ALMS1: variants seen among roughly 807,000 people sequenced by gnomAD.
The protein encoded by ALMS1 is ALMS1 centrosome and basal body associated protein, also known as centrosome-associated protein ALMS1.
A neutral mutation model predicts 352.2 loss-of-function variants in ALMS1; 271 were observed. The ratio of observed to expected loss-of-function variants is 0.77; its 90% CI spans 0.70 to 0.85. The LOEUF (loss-of-function observed/expected upper bound fraction) is 0.85. Ranked by LOEUF, ALMS1 falls within the 40% of genes least tolerant of loss-of-function variation. ALMS1 has a pLI of 0.00. For synonymous variants in ALMS1, 1,865 were observed against 1,761.2 expected (o/e 1.06, Z -1.48); for missense variants, 5,445 against 4,870.7 (o/e 1.12, Z -3.51).
intron 10 of ALMS1, among the ~76,000 whole-genome samples, chr2:73,494,140 C>T (rs1018625897): frequency 2.0e-5 from 3 of 152,288 alleles, no homozygotes; most frequent in Admixed American, 6.5e-5. Flanking sequence ...CTTAGTGAGG[C>T]AGTGAGAGGG....
chr2:73,546,346 T>G (rs1009224103), intron 12 of ALMS1, among the ~76,000 whole-genome samples: 6 of 152,196 alleles, frequency 3.9e-5, no homozygotes, highest in African/African-American at 1.2e-4. Context: ...ATGATCAGGT[T>G]GTTTTGTTTG....
chr2:73,496,278 T>C (rs1253078046), intron 10 of ALMS1, among the ~76,000 whole-genome samples: 1 of 152,220 alleles, frequency 6.6e-6, no homozygotes, highest in Non-Finnish European at 1.5e-5. Context: ...TGGCAGTCCC[T>C]GGTCTGTATT....
chr2:73,415,172 T>G (rs1057384996), intron 2 of ALMS1, among the ~76,000 whole-genome samples: 3 of 152,172 alleles, frequency 2.0e-5, no homozygotes, highest in African/African-American at 7.2e-5. Flanking sequence ...CAAAAATATT[T>G]AGAGATTTGT....
intron 19 of ALMS1, 45 bp from the exon 20 acceptor site, chr2:73,602,140 T>G (rs1675706790): frequency 6.4e-7 from 1 of 1,570,266 alleles, no homozygotes; most frequent in African/African-American, 1.4e-5. Context: ...GTAGATTGCA[T>G]CATTAATCTG....
Position 73,601,350 on chromosome 2 carries a change from C to G in ALMS1, c.12028C>G (p.His4010Asp). 6.2e-7 allele frequency: 1 copy of G among 1,614,182 alleles called. No individual in the cohort carries two copies. The highest frequency in any genetic ancestry group is 8.5e-7 in the Non-Finnish European group (1 of 1,179,996). ...GCGGGAGCAGAACTGTCAGGGGCAG[C>G]ACCTGGACGGTCGGGGCTACCTGGC... ...PLREQNCQGQ[H>D]LDGRGYLAGP... Residue 4010 changes from histidine to aspartate, a missense_variant, in exon 19 of 23, where the codon CAC (histidine) becomes GAC (aspartate). By Grantham distance (81) the His-to-Asp change is moderately conservative. Transcript: ENST00000613296.
intron 16 of ALMS1, among the ~76,000 whole-genome samples, chr2:73,584,160 TAAG>T (rs1675259442): frequency 6.6e-6 from 1 of 152,170 alleles, no homozygotes; most frequent in Non-Finnish European, 1.5e-5. Context: ...TATGAAAAAT[TAAG>T]AAACTGATTT....
intron 2 of ALMS1, among the ~76,000 whole-genome samples, chr2:73,414,830 T>G (rs1419755597): frequency 6.6e-6 from 1 of 152,122 alleles, no homozygotes; most frequent in Non-Finnish European, 1.5e-5. Flanking sequence ...ATGACTCAAA[T>G]GTGGTTTTCA....
At chr2:73,508,303 C>T (rs961456386) in intron 10 of ALMS1, among the ~76,000 whole-genome samples, 9 of 150,206 alleles carry the variant, frequency 6.0e-5, no homozygotes, top group Admixed American at 2.7e-4. Context: ...CCTGGGTTCA[C>T]GCCATTCTCC....
At chr2:73,481,870 T>G (rs1467938652) in intron 9 of ALMS1, among the ~76,000 whole-genome samples, 1 of 151,210 alleles carries the variant, frequency 6.6e-6, no homozygotes, top group African/African-American at 2.5e-5. Context: ...ATGATTTGGC[T>G]CTCTGTTTGT....
At chr2:73,520,886 T>C (rs1406595249) in intron 11 of ALMS1, among the ~76,000 whole-genome samples, 2 of 152,230 alleles carry the variant, frequency 1.3e-5, no homozygotes, top group Non-Finnish European at 2.9e-5. Flanking sequence ...TAAGTTTCCA[T>C]TCTTCCCCAA....
chr2:73,415,467 T>A (rs1318835613), intron 2 of ALMS1, among the ~76,000 whole-genome samples: 4 of 152,174 alleles, frequency 2.6e-5, no homozygotes, highest in Non-Finnish European at 1.5e-5. Flanking sequence ...GTGACTTTTT[T>A]TTATTTTCAA....
At chr2:73,542,424 G>GA (rs1232163399) in intron 12 of ALMS1, among the ~76,000 whole-genome samples, 3 of 152,162 alleles carry the variant, frequency 2.0e-5, no homozygotes, top group Admixed American at 6.5e-5. Context: ...TACTGAATGG[G>GA]AAAAAACTGG....
chr2:73,570,232 C>T (rs1244900287), intron 15 of ALMS1, among the ~76,000 whole-genome samples: 1 of 152,152 alleles, frequency 6.6e-6, no homozygotes, highest in Non-Finnish European at 1.5e-5. Flanking sequence ...AGTTAGATGG[C>T]TGTGACATCC....
chr2:73,560,998 G>A (rs559568663), intron 15 of ALMS1, among the ~76,000 whole-genome samples: 29 of 152,326 alleles, frequency 1.9e-4, no homozygotes, highest in African/African-American at 6.3e-4. Context: ...CACAAAAGGG[G>A]ATGGGCTAGC....
At position 73,609,600 on chromosome 2, in the gene ALMS1, T is replaced by G. The variant is rs1675896111; in HGVS notation, c.12495T>G (p.Val4165=). The G allele has an allele frequency of 2.5e-6, 4 of 1,614,074 alleles. No homozygotes were observed. The highest frequency in any genetic ancestry group is 3.4e-6 in the Non-Finnish European group (4 of 1,179,926). The change falls in exon 23 of 23, where the codon GTT becomes GTG. Residue 4165 remains valine, a synonymous_variant. Coordinates refer to ENST00000613296, the MANE Select transcript of ALMS1 (RefSeq NM_001378454.1). ...RVTNQLLGRK[V]PWD is the part of the protein sequence containing the mutation. ...CCAATCAACTTCTGGGGAGAAAAGT[T>G]CCCTGGGACTGACACAAGTTTATTT... is the stretch of plus-strand genomic sequence containing the variant.
chr2:73,481,647 A>C (rs1162392744), intron 9 of ALMS1, among the ~76,000 whole-genome samples: 2 of 150,380 alleles, frequency 1.3e-5, no homozygotes, highest in Non-Finnish European at 2.9e-5. Context: ...GATGGCATTG[A>C]ATCTGTAAGT....
At chr2:73,596,513 C>T (rs1158414038) in intron 16 of ALMS1, among the ~76,000 whole-genome samples, 1 of 146,826 alleles carries the variant, frequency 6.8e-6, no homozygotes, top group Non-Finnish European at 1.5e-5. Flanking sequence ...ACTCTGTCAT[C>T]AAGGCGGGAG....
At chr2:73,456,099 C>A (rs1336766232) in intron 9 of ALMS1, among the ~76,000 whole-genome samples, 1 of 152,130 alleles carries the variant, frequency 6.6e-6, no homozygotes, top group Non-Finnish European at 1.5e-5. Context: ...TATTTACTAT[C>A]GAGCTTGAGA....
Position 73,449,562 on chromosome 2 carries a change from T to C in ALMS1, c.3035T>C (p.Phe1012Ser). Residue 1012 changes from phenylalanine (F) to serine (S), a missense_variant, in exon 8 of 23, where the codon TTC becomes TCC. Transcript: ENST00000613296. ...TCACATAGAGAGAAGCCCAGTATTT[T>C]CTATCAACAGGAGTGGCCAGATAGT... ...SFSHREKPSI[F>S]YQQEWPDSYA... The C allele has an allele frequency of 6.2e-7, 1 of 1,614,070 alleles. No individual in the cohort carries two copies. The highest frequency in any genetic ancestry group is 8.5e-7 in the Non-Finnish European group (1 of 1,179,978).
Sources: gnomAD v4.1 joint callset for allele counts (sites outside exome capture counted in the v4.1 genomes callset) on GRCh38, gnomAD v4.1.1 for gene constraint, MANE v1.5 for transcripts, NCBI Gene and HGNC (gene_info 2026-07-23, HGNC 2026-07-21) for gene names.